NR5A2: variants seen among roughly 807,000 people sequenced by gnomAD.
NR5A2 encodes nuclear receptor subfamily 5 group A member 2, also known as CYP7A promoter-binding factor.
In NR5A2, 26 loss-of-function variants were observed where a neutral mutation model predicts 62.7. The ratio of observed to expected loss-of-function variants is 0.41; its 90% confidence interval spans 0.30 to 0.58. The LOEUF is 0.58. Among genes scored for constraint, NR5A2 ranks in the 20% least tolerant of loss-of-function variants. NR5A2 has a pLI of 0.22. For missense variants in NR5A2, 541 were observed against 669.1 expected (o/e 0.81, Z 2.11); for synonymous variants, 246 against 241.7 (o/e 1.02, Z -0.16).
At chr1:200,136,238 A>AGAT (rs1176246914) in intron 7 of NR5A2, among the ~76,000 whole-genome samples, 2 of 148,038 alleles carry the variant, frequency 1.4e-5, no homozygotes, top group African/African-American at 5.0e-5. Flanking sequence ...TTTTTTTTGG[A>AGAT]GATGGAATCT....
intron 5 of NR5A2, among the ~76,000 whole-genome samples, chr1:200,062,799 G>A (rs1336845519): frequency 2.6e-5 from 4 of 152,150 alleles, no homozygotes; most frequent in African/African-American, 9.7e-5. Flanking sequence ...TCAGAGGCTT[G>A]AAATGCCCCT....
chr1:200,150,519 C>A (rs1188595186), intron 7 of NR5A2, among the ~76,000 whole-genome samples: 1 of 152,090 alleles, frequency 6.6e-6, no homozygotes. Context: ...GCTCAAAGCT[C>A]CAGTAATTAA....
chr1:200,137,146 T>TTTTA lies in NR5A2; in HGVS notation c.1378+16191_1378+16192insTTTA, dbSNP rs1553276754. 2.0e-5 allele frequency among the ~76,000 whole-genome samples: 3 copies of TTTTA among 150,978 alleles called. No individual in the cohort carries two copies. The South Asian group carries it at 6.3e-4, about 32-fold the overall frequency. On this transcript the variant is annotated intron_variant, in intron 7 of 7. Transcript: ENST00000367362. ...CACTGTGCCTGGCCAGATTTTATTT[T>TTTTA]ATTTATTTATTTATTTATTTTTGAG...
chr1:200,143,438 C>T (rs1264852187), intron 7 of NR5A2, among the ~76,000 whole-genome samples: 20 of 149,954 alleles, frequency 1.3e-4, no homozygotes, highest in African/African-American at 4.2e-4. Context: ...TTTTTTTCCC[C>T]CTTCTTTCAT....
At position 200,039,981 on chromosome 1, in the gene NR5A2, CA is replaced by C. The variant is rs1661990295; in HGVS notation, c.202+187del. On this transcript the variant is annotated intron_variant, in intron 2 of 7. Coordinates refer to ENST00000367362, the MANE Select transcript of NR5A2 (RefSeq NM_205860.3). The surrounding 1 kb of genome is among the most constrained non-coding windows in gnomAD (Gnocchi z 5.1). ...TTTATGGCTCTTGAACAATGCGGGGCAGAGGTTTTTCCAAGCAACGTCTAAT... is the reference window on the plus strand; with the variant it reads ...TTTATGGCTCTTGAACAATGCGGGGCGAGGTTTTTCCAAGCAACGTCTAAT... Among the ~76,000 whole-genome samples the C allele has an allele frequency of 6.6e-6, 1 of 152,144 alleles. No individual in the cohort carries two copies. The highest frequency in any genetic ancestry group is 2.4e-5 in the African/African-American group (1 of 41,448).
intron 2 of NR5A2, among the ~76,000 whole-genome samples, chr1:200,040,288 C>T (rs1662004212): frequency 6.6e-6 from 1 of 152,148 alleles, no homozygotes; most frequent in African/African-American, 2.4e-5. Flanking sequence ...GTGACCACAC[C>T]AAAAGCCCAG....
At chr1:200,105,713 A>T (rs948441634) in intron 5 of NR5A2, among the ~76,000 whole-genome samples, 20 of 152,304 alleles carry the variant, frequency 1.3e-4, no homozygotes, top group African/African-American at 4.6e-4. Flanking sequence ...GCACTTTGGA[A>T]CACCAAGGCA....
chr1:200,161,200 A>G (rs995666351), intron 7 of NR5A2, among the ~76,000 whole-genome samples: 5 of 152,138 alleles, frequency 3.3e-5, no homozygotes, highest in Non-Finnish European at 7.3e-5. Context: ...TGTTAAATCT[A>G]TTTTAAATAC....
intron 5 of NR5A2, among the ~76,000 whole-genome samples, chr1:200,105,165 G>T (rs188113585): frequency 3.4e-4 from 52 of 152,064 alleles, no homozygotes; most frequent in East Asian, 9.7e-4. Context: ...TTACTATGTT[G>T]CCCAGGTTGG....
At chr1:200,074,239 TAATG>T (rs1663895432) in intron 5 of NR5A2, among the ~76,000 whole-genome samples, 3 of 152,062 alleles carry the variant, frequency 2.0e-5, no homozygotes, top group Admixed American at 2.0e-4. Context: ...TTCTTTTTGA[TAATG>T]AATTATGAGT....
At chr1:200,140,981 A>G (rs1054322722) in intron 7 of NR5A2, among the ~76,000 whole-genome samples, 1 of 152,202 alleles carries the variant, frequency 6.6e-6, no homozygotes, top group Non-Finnish European at 1.5e-5. Flanking sequence ...CAGTGAGCTG[A>G]GGTCATGCCA....
intron 7 of NR5A2, among the ~76,000 whole-genome samples, chr1:200,137,890 G>C (rs1217685176): frequency 6.6e-6 from 1 of 152,022 alleles, no homozygotes; most frequent in Admixed American, 6.5e-5. Context: ...ATATCAAAAG[G>C]GATTGGGGTC....
chr1:200,134,458 C>T (rs1364832746), intron 7 of NR5A2, among the ~76,000 whole-genome samples: 1 of 152,122 alleles, frequency 6.6e-6, no homozygotes, highest in Non-Finnish European at 1.5e-5. Flanking sequence ...CAACTGCCTT[C>T]GATATTCAGT....
chr1:200,156,861 G>A (rs1343178302), intron 7 of NR5A2, among the ~76,000 whole-genome samples: 5 of 152,188 alleles, frequency 3.3e-5, no homozygotes, highest in Admixed American at 1.3e-4. Context: ...ATGTTCAGAA[G>A]GTTAGGTGTA....
intron 5 of NR5A2, among the ~76,000 whole-genome samples, chr1:200,050,320 A>G (rs1360853339): frequency 2.0e-5 from 3 of 152,250 alleles, no homozygotes; most frequent in Non-Finnish European, 4.4e-5. Flanking sequence ...TCGAAAGGTT[A>G]GGTAATGTAA....
chr1:200,039,605 G>C lies in NR5A2; in HGVS notation c.65-53G>C. 1 of 1,605,680 alleles carries C rather than the reference G, an allele frequency of 6.2e-7. No homozygotes were observed. Among genetic ancestry groups the C allele is most frequent in the South Asian group, 1.1e-5 (1 of 90,732 alleles). ...AGAGGGTTGGGTTAGCAGGCATCCC[G>C]GTCGCCCCTTCCTTCTTTTCGCCGG... On this transcript the variant is annotated intron_variant, in intron 1 of 7. Coordinates refer to ENST00000367362, the MANE Select transcript of NR5A2 (RefSeq NM_205860.3). This position sits in a 1 kb window ranked among gnomAD's most constrained non-coding sequence, Gnocchi z 5.1.
At chr1:200,166,205 C>CT in intron 7 of NR5A2, among the ~76,000 whole-genome samples, 1 of 151,986 alleles carries the variant, frequency 6.6e-6, no homozygotes, top group Non-Finnish European at 1.5e-5. Context: ...TCCGTGGGAG[C>CT]TTTTTTTCTA....
intron 7 of NR5A2, among the ~76,000 whole-genome samples, chr1:200,143,568 C>T (rs1667539471): frequency 6.6e-6 from 1 of 151,726 alleles, no homozygotes; most frequent in Admixed American, 6.6e-5. Context: ...GGTTGCCACA[C>T]TTTAGGCCCC....
chr1:200,162,032 G>A (rs1653665744), intron 7 of NR5A2, among the ~76,000 whole-genome samples: 1 of 152,190 alleles, frequency 6.6e-6, no homozygotes. Flanking sequence ...AGATGCAATT[G>A]CAAATATGTG....
Sources: allele counts gnomAD v4.1 joint callset (sites outside exome capture counted in the v4.1 genomes callset), GRCh38; gene constraint gnomAD v4.1.1; non-coding constraint Gnocchi (gnomAD v3.1); transcripts MANE v1.5; gene names NCBI Gene and HGNC (gene_info 2026-07-23, HGNC 2026-07-21).